Variants in WWOX observed in about 807,000 individuals in gnomAD.
WWOX encodes WW domain-containing oxidoreductase.
WWOX carries 69 observed loss-of-function variants against 46.2 expected under a neutral mutation model. The observed-to-expected ratio is 1.49, with a 90% CI of 1.23 to 1.82. The LOEUF (loss-of-function observed/expected upper bound fraction) is 1.82. WWOX is among the 40% of genes most tolerant of loss of function. The pLI is 0.00. For missense variants in WWOX, 919 were observed against 542.6 expected, an observed-to-expected ratio of 1.69 and a Z score of -6.89; for synonymous variants, 359 against 202.6, an observed-to-expected ratio of 1.77 and a Z score of -6.56.
chr16:78,584,643 T>C (rs907585905), intron 8 of WWOX, among the ~76,000 whole-genome samples: 8 of 152,230 alleles, frequency 5.3e-5, no homozygotes, highest in Admixed American at 5.2e-4. Flanking sequence ...TATTCTGTTC[T>C]ATGATACCAC....
intron 8 of WWOX, among the ~76,000 whole-genome samples, chr16:78,714,273 G>C (rs2048513319): frequency 6.6e-6 from 1 of 152,174 alleles, no homozygotes; most frequent in South Asian, 2.1e-4. Flanking sequence ...AGTTGCACAT[G>C]GCTGGGGAGG....
intron 8 of WWOX, among the ~76,000 whole-genome samples, chr16:78,748,323 T>A (rs2142441171): frequency 6.6e-6 from 1 of 152,300 alleles, no homozygotes; most frequent in African/African-American, 2.4e-5. Flanking sequence ...TCTATGCAAA[T>A]AATTACTGTT....
intron 8 of WWOX, among the ~76,000 whole-genome samples, chr16:78,469,459 CAG>C (rs2084169064): frequency 6.6e-6 from 1 of 152,148 alleles, no homozygotes; most frequent in African/African-American, 2.4e-5. Context: ...TGTTCTGAAA[CAG>C]AGATGACAGG....
At chr16:79,207,912 A>C (rs780362463) in intron 8 of WWOX, among the ~76,000 whole-genome samples, 4 of 152,204 alleles carry the variant, frequency 2.6e-5, no homozygotes, top group Non-Finnish European at 5.9e-5. Flanking sequence ...TATCAAATGA[A>C]TGTTGATGAA....
intron 8 of WWOX, among the ~76,000 whole-genome samples, chr16:78,867,584 A>G (rs2044033264): frequency 6.6e-6 from 1 of 151,562 alleles, no homozygotes; most frequent in African/African-American, 2.4e-5. Flanking sequence ...TCTTTCACCC[A>G]GGCTGGAGTG....
chr16:78,323,867 A>G (rs1271099956), intron 5 of WWOX, among the ~76,000 whole-genome samples: 1 of 152,160 alleles, frequency 6.6e-6, no homozygotes, highest in Middle Eastern at 3.2e-3. Flanking sequence ...TGCACTCTTA[A>G]GGACTCAGAG....
chr16:78,674,639 C>T (rs1441990234), intron 8 of WWOX, among the ~76,000 whole-genome samples: 1 of 152,138 alleles, frequency 6.6e-6, no homozygotes, highest in Middle Eastern at 3.2e-3. Context: ...TTCCACACTT[C>T]TGGCCACCTG....
At chr16:79,065,864 C>T (rs2048431904) in intron 8 of WWOX, among the ~76,000 whole-genome samples, 2 of 152,212 alleles carry the variant, frequency 1.3e-5, no homozygotes, top group Admixed American at 6.5e-5. Context: ...CTGTCATATT[C>T]CTCTTATGGT....
chr16:78,509,536 C>T (rs914825659), intron 8 of WWOX, among the ~76,000 whole-genome samples: 1 of 152,108 alleles, frequency 6.6e-6, no homozygotes, highest in Non-Finnish European at 1.5e-5. Flanking sequence ...TTGCGGTTAT[C>T]TACGTCTGTT....
At chr16:78,627,199 C>T (rs2046330495) in intron 8 of WWOX, among the ~76,000 whole-genome samples, 1 of 151,966 alleles carries the variant, frequency 6.6e-6, no homozygotes, top group African/African-American at 2.4e-5. Flanking sequence ...TAATTTAGGC[C>T]CCTTTCAGGC....
At chr16:79,070,978 C>G (rs747986579) in intron 8 of WWOX, among the ~76,000 whole-genome samples, 1 of 152,166 alleles carries the variant, frequency 6.6e-6, no homozygotes, top group Admixed American at 6.5e-5. Flanking sequence ...TCCCTACCCC[C>G]ACATACTTTG....
chr16:78,279,665 A>G (rs2079641328), intron 5 of WWOX, among the ~76,000 whole-genome samples: 1 of 152,346 alleles, frequency 6.6e-6, no homozygotes, highest in East Asian at 1.9e-4. Context: ...TGCCAGGAGA[A>G]TGTATGGAAA....
chr16:79,141,054 G>A (rs1027776043), intron 8 of WWOX, among the ~76,000 whole-genome samples: 6 of 152,190 alleles, frequency 3.9e-5, no homozygotes, highest in African/African-American at 1.4e-4. Flanking sequence ...CTAAGCTAAA[G>A]GGAAAAGTCA....
chr16:78,351,656 G>A (rs1280882682), intron 5 of WWOX, among the ~76,000 whole-genome samples: 2 of 152,118 alleles, frequency 1.3e-5, no homozygotes, highest in African/African-American at 4.8e-5. Context: ...GGCTATGCAT[G>A]TGTTTTTTGT....
intron 8 of WWOX, chr16:78,873,116 C>G (rs1042572530): frequency 1.3e-5 from 2 of 152,314 alleles, no homozygotes; most frequent in Middle Eastern, 3.4e-3. Context: ...TCTTTAAATG[C>G]TAGTCCTTTT....
intron 5 of WWOX, among the ~76,000 whole-genome samples, chr16:78,282,104 C>T (rs185393795): frequency 6.6e-5 from 10 of 152,216 alleles, no homozygotes; most frequent in Admixed American, 2.6e-4. Context: ...GTCATGTCCC[C>T]GGATGATGCG....
At chr16:78,796,431 T>G (rs931166067) in intron 8 of WWOX, among the ~76,000 whole-genome samples, 5 of 152,222 alleles carry the variant, frequency 3.3e-5, no homozygotes, top group African/African-American at 1.2e-4. Context: ...CTGCTTCCCA[T>G]TGGCCAGAAT....
intron 8 of WWOX, among the ~76,000 whole-genome samples, chr16:78,995,010 C>A (rs1001101898): frequency 7.8e-6 from 1 of 127,416 alleles, no homozygotes; most frequent in Non-Finnish European, 1.6e-5. Context: ...CAGCCTCTCT[C>A]CTTTCCCATT....
At chr16:78,691,267 G>C in intron 8 of WWOX, 1 of 702,170 alleles carries the variant, frequency 1.4e-6, no homozygotes, top group Non-Finnish European at 2.6e-6. Context: ...GTAGAAGGAG[G>C]TCACTTCTGA....
Sources: allele counts gnomAD v4.1 joint callset (sites outside exome capture counted in the v4.1 genomes callset), GRCh38; gene constraint gnomAD v4.1.1; transcripts MANE v1.5; gene names NCBI Gene and HGNC (gene_info 2026-07-23, HGNC 2026-07-21).